CACNG3: variants seen among roughly 807,000 people sequenced by gnomAD.
The protein encoded by CACNG3 is voltage-dependent calcium channel gamma-3 subunit.
In CACNG3, 3 loss-of-function variants were observed where a neutral mutation model predicts 28.5. The ratio of observed to expected loss-of-function variants is 0.11; its 90% CI spans 0.05 to 0.27. The LOEUF (loss-of-function observed/expected upper bound fraction) is 0.27, where lower values mean the gene tolerates loss of function less well. CACNG3 is among the 10% of genes least tolerant of loss of function. CACNG3 has a pLI of 1.00. For synonymous variants in CACNG3, 174 were observed against 162.2 expected, an observed-to-expected ratio of 1.07 and a Z score of -0.55; for missense variants, 236 against 414.4, an observed-to-expected ratio of 0.57 and a Z score of 3.74.
chr16:24,280,293 A>G (rs1286164653), intron 1 of CACNG3, among the ~76,000 whole-genome samples: 3 of 152,204 alleles, frequency 2.0e-5, no homozygotes, highest in East Asian at 1.9e-4. Context: ...GACCTTTAGA[A>G]TTTGAAATGA....
At chr16:24,307,538 A>G (rs1356374512) in intron 1 of CACNG3, among the ~76,000 whole-genome samples, 3 of 152,130 alleles carry the variant, frequency 2.0e-5, no homozygotes, top group Non-Finnish European at 2.9e-5. Context: ...CCCTTCCTAC[A>G]ACATGGGGGT....
At chr16:24,306,650 A>G (rs548546485) in intron 1 of CACNG3, among the ~76,000 whole-genome samples, 57 of 152,148 alleles carry the variant, frequency 3.7e-4, no homozygotes, top group Non-Finnish European at 7.4e-4. Context: ...CCCTACCCCA[A>G]CACATACACA....
intron 1 of CACNG3, among the ~76,000 whole-genome samples, chr16:24,312,735 T>C (rs1899280288): frequency 6.6e-6 from 1 of 151,746 alleles, no homozygotes; most frequent in African/African-American, 2.4e-5. Context: ...GGAGAATCAC[T>C]TGAGCCCTGG....
intron 1 of CACNG3, among the ~76,000 whole-genome samples, chr16:24,342,044 G>T (rs552433502): frequency 1.3e-5 from 2 of 152,272 alleles, no homozygotes; most frequent in African/African-American, 4.8e-5. Context: ...GCAGCAGGCG[G>T]ATCACCTGAG....
At chr16:24,346,353 G>A (rs868664668) in intron 1 of CACNG3, among the ~76,000 whole-genome samples, 3 of 152,078 alleles carry the variant, frequency 2.0e-5, no homozygotes, top group Admixed American at 6.5e-5. Flanking sequence ...AGGGAGGATC[G>A]CTTGTGGCCA....
intron 1 of CACNG3, among the ~76,000 whole-genome samples, chr16:24,316,378 T>A (rs745956579): frequency 1.3e-5 from 2 of 151,744 alleles, no homozygotes; most frequent in Non-Finnish European, 2.9e-5. Context: ...AGGCTTGGCC[T>A]GTCCTTCAAG....
chr16:24,256,796 T>C lies in CACNG3; in HGVS notation c.42T>C (p.Thr14=). The stretch of plus-strand genomic sequence containing the variant: ...GAGGTATCCAGATGTTGATCACCAC[T>C]GTAGGAGCCTTTGCCGCTTTTAGTT... ...CDRGIQMLIT[T]VGAFAAFSLM... Residue 14 remains threonine, a synonymous_variant, in exon 1 of 4, where the codon ACT becomes ACC. Coordinates refer to ENST00000005284, the MANE Select transcript of CACNG3 (RefSeq NM_006539.4). This position sits in a 1 kb window ranked among gnomAD's most constrained non-coding sequence, Gnocchi z 4.6. 6.2e-7 allele frequency: 1 copy of C among 1,614,044 alleles called. No individual in the cohort carries two copies. The highest frequency in any genetic ancestry group is 1.1e-5 in the South Asian group (1 of 91,076).
intron 2 of CACNG3, 34 bp from the exon 3 acceptor site, chr16:24,354,799 G>A: frequency 6.2e-7 from 1 of 1,603,724 alleles, no homozygotes; most frequent in Non-Finnish European, 8.5e-7. Flanking sequence ...GGCTGGCTGG[G>A]CACAGGCAGA....
At chr16:24,308,765 A>G (rs1355565718) in intron 1 of CACNG3, among the ~76,000 whole-genome samples, 1 of 142,952 alleles carries the variant, frequency 7.0e-6, no homozygotes, top group Non-Finnish European at 1.5e-5. Flanking sequence ...GCTTGAGCCC[A>G]GGAGTTCAAA....
At chr16:24,325,231 T>C (rs978689582) in intron 1 of CACNG3, among the ~76,000 whole-genome samples, 22 of 152,284 alleles carry the variant, frequency 1.4e-4, no homozygotes, top group African/African-American at 5.3e-4. Context: ...TTGAGGGGTG[T>C]CTAAATTCTG....
At chr16:24,278,091 G>A (rs1898776197) in intron 1 of CACNG3, among the ~76,000 whole-genome samples, 1 of 152,144 alleles carries the variant, frequency 6.6e-6, no homozygotes, top group Admixed American at 6.5e-5. Context: ...CAGGAGATAA[G>A]CCAGTGGGCT....
At chr16:24,329,282 G>A (rs1006262554) in intron 1 of CACNG3, among the ~76,000 whole-genome samples, 2 of 152,188 alleles carry the variant, frequency 1.3e-5, no homozygotes, top group African/African-American at 4.8e-5. Context: ...AGTAAAAGAT[G>A]CCCCGGATAA....
chr16:24,317,170 G>C (rs1451530774), intron 1 of CACNG3, among the ~76,000 whole-genome samples: 1 of 152,042 alleles, frequency 6.6e-6, no homozygotes, highest in African/African-American at 2.4e-5. Context: ...TCATATAATA[G>C]GTCATTCCGA....
intron 1 of CACNG3, among the ~76,000 whole-genome samples, chr16:24,311,297 G>A (rs1398774958): frequency 5.3e-5 from 8 of 152,080 alleles, no homozygotes; most frequent in African/African-American, 1.9e-4. Flanking sequence ...AATCACCTGA[G>A]GTCGGGAGTT....
chr16:24,312,939 GA>G (rs1567216073), intron 1 of CACNG3, among the ~76,000 whole-genome samples: 2 of 89,416 alleles, frequency 2.2e-5, no homozygotes, highest in Admixed American at 2.2e-4. Flanking sequence ...AAGAAAGAAA[GA>G]AAGAAAGAAA....
At chr16:24,268,874 G>T (rs1049975328) in intron 1 of CACNG3, among the ~76,000 whole-genome samples, 1 of 152,176 alleles carries the variant, frequency 6.6e-6, no homozygotes, top group Non-Finnish European at 1.5e-5. Context: ...TAAACTCTGC[G>T]TCAGGCACGA....
chr16:24,341,606 A>G (rs943009196), intron 1 of CACNG3, among the ~76,000 whole-genome samples: 5 of 152,200 alleles, frequency 3.3e-5, no homozygotes, highest in African/African-American at 9.6e-5. Context: ...TGAAGTTACT[A>G]TTATTATCTT....
At chr16:24,285,428 T>C (rs1006884147) in intron 1 of CACNG3, among the ~76,000 whole-genome samples, 1 of 152,100 alleles carries the variant, frequency 6.6e-6, no homozygotes, top group Non-Finnish European at 1.5e-5. Context: ...CTGCCCCAAC[T>C]CATCCCCTTC....
At chr16:24,336,354 C>A (rs1057323931) in intron 1 of CACNG3, among the ~76,000 whole-genome samples, 4 of 151,242 alleles carry the variant, frequency 2.6e-5, no homozygotes, top group Admixed American at 2.6e-4. Context: ...TCACTGCAAG[C>A]TCTGCCTCCC....
Sources: gnomAD v4.1 joint callset for allele counts (sites outside exome capture counted in the v4.1 genomes callset) on GRCh38, gnomAD v4.1.1 for gene constraint, Gnocchi (gnomAD v3.1) non-coding constraint, MANE v1.5 for transcripts, NCBI Gene and HGNC (gene_info 2026-07-23, HGNC 2026-07-21) for gene names.